The following RALGAPA2 variants were observed in gnomAD, a reference collection of about 807,000 sequenced individuals.
The protein encoded by RALGAPA2 is ral GTPase-activating protein subunit alpha-2.
A neutral mutation model predicts 230.4 loss-of-function variants in RALGAPA2; 139 were observed. The observed-to-expected ratio is 0.60, with a 90% CI of 0.53 to 0.69. The LOEUF (loss-of-function observed/expected upper bound fraction) is 0.69, where lower values mean the gene tolerates loss of function less well. RALGAPA2 is among the 30% of genes least tolerant of loss of function. The pLI, the probability that RALGAPA2 is intolerant of heterozygous loss-of-function variation, is 0.00. For synonymous variants in RALGAPA2, 847 were observed against 837.8 expected (o/e 1.01, Z -0.19); for missense variants, 2,163 against 2,276.0 (o/e 0.95, Z 1.01).
At chr20:20,687,871 T>C (rs563208556) in intron 1 of RALGAPA2, among the ~76,000 whole-genome samples, 8 of 152,224 alleles carry the variant, frequency 5.3e-5, no homozygotes, top group African/African-American at 1.7e-4. Flanking sequence ...GAATCCAAGT[T>C]ACAGAGGCTT....
intron 26 of RALGAPA2, 60 bp downstream of exon 26, chr20:20,535,685 C>T (rs1381343590): frequency 2.6e-6 from 4 of 1,514,314 alleles, no homozygotes; most frequent in Non-Finnish European, 3.5e-6. Context: ...ACATTAACTA[C>T]TTACACATAA....
chr20:20,531,404 C>T (rs938989234), intron 27 of RALGAPA2, among the ~76,000 whole-genome samples: 1 of 152,168 alleles, frequency 6.6e-6, no homozygotes, highest in African/African-American at 2.4e-5. Flanking sequence ...TCACCCCCAC[C>T]AACAGGTGAC....
At chr20:20,557,182 C>T (rs541242882) in intron 23 of RALGAPA2, among the ~76,000 whole-genome samples, 6 of 152,100 alleles carry the variant, frequency 3.9e-5, no homozygotes, top group Admixed American at 3.9e-4. Flanking sequence ...TGGTGGTGGG[C>T]ACCTGTAATC....
chr20:20,571,848 C>A lies in RALGAPA2; in HGVS notation c.3000G>T (p.Lys1000Asn). The change falls in exon 22 of 40, where the codon AAG becomes AAT. Residue 1000 changes from lysine (K) to asparagine (N), a missense_variant and splice_region_variant. Coordinates refer to ENST00000202677, the MANE Select transcript of RALGAPA2 (RefSeq NM_020343.4). Reference sequence around the variant, plus strand: ...AAGGAATAAACACATATCCACTTGCCTTAAACAGCCATGATGCAAACATTC... The same window carrying A: ...AAGGAATAAACACATATCCACTTGCATTAAACAGCCATGATGCAAACATTC... The part of the protein sequence containing the change: ...PLRMFASWLF[K>N]AATLPNEYKE... 1.2e-6 allele frequency: 2 copies of A among 1,604,818 alleles called. No individual in the cohort carries two copies. Among genetic ancestry groups the A allele is most frequent in the South Asian group, 1.1e-5 (1 of 89,928 alleles).
At chr20:20,700,186 C>G (rs897744370) in intron 1 of RALGAPA2, among the ~76,000 whole-genome samples, 1 of 152,100 alleles carries the variant, frequency 6.6e-6, no homozygotes, top group Non-Finnish European at 1.5e-5. Context: ...GGCCATAAAC[C>G]TAAGCGAATT....
At chr20:20,397,679 G>C (rs1328453705) in intron 38 of RALGAPA2, among the ~76,000 whole-genome samples, 13 of 152,208 alleles carry the variant, frequency 8.5e-5, no homozygotes, top group Admixed American at 8.5e-4. Flanking sequence ...GGTTGCCAAG[G>C]TTGGCACAGT....
At chr20:20,690,658 C>A (rs1385034317) in intron 1 of RALGAPA2, among the ~76,000 whole-genome samples, 2 of 152,072 alleles carry the variant, frequency 1.3e-5, no homozygotes, top group Admixed American at 6.5e-5. Context: ...TACCTGAAAC[C>A]TGGAAGTCCC....
At chr20:20,681,247 T>C (rs1317234964) in intron 1 of RALGAPA2, among the ~76,000 whole-genome samples, 1 of 152,184 alleles carries the variant, frequency 6.6e-6, no homozygotes, top group East Asian at 1.9e-4. Flanking sequence ...GACCAATCTC[T>C]GCTCCCTCCC....
intron 36 of RALGAPA2, among the ~76,000 whole-genome samples, chr20:20,490,892 A>T (rs1216711524): frequency 1.3e-5 from 2 of 150,012 alleles, no homozygotes; most frequent in African/African-American, 4.9e-5. Context: ...ACACACACAC[A>T]CACTCACACT....
chr20:20,536,545 C>G, intron 25 of RALGAPA2, 111 bp downstream of exon 25: 1 of 1,227,288 alleles, frequency 8.1e-7, no homozygotes, highest in South Asian at 1.5e-5. Flanking sequence ...TTAAAAGATA[C>G]AGCAAAACTT....
At chr20:20,516,318 C>G (rs1448647440) in intron 31 of RALGAPA2, among the ~76,000 whole-genome samples, 1 of 152,152 alleles carries the variant, frequency 6.6e-6, no homozygotes. Context: ...TGCCTCAGAA[C>G]CAGATTACTT....
chr20:20,416,309 T>C (rs976906997), intron 37 of RALGAPA2, among the ~76,000 whole-genome samples: 15 of 152,244 alleles, frequency 9.9e-5, no homozygotes, highest in African/African-American at 2.9e-4. Flanking sequence ...TCAGGCTCCA[T>C]GGCAAGCAAA....
rs1161118298 is a variant in RALGAPA2 at position 20,521,022 on chromosome 20, A to C, written c.3979T>G (p.Ser1327Ala). 2 of 1,613,864 alleles carry C rather than the reference A, an allele frequency of 1.2e-6. No individual in the cohort carries two copies. Among genetic ancestry groups the C allele is most frequent in the Admixed American group, 3.3e-5 (2 of 60,018 alleles). Residue 1327 changes from serine to alanine, a missense_variant, in exon 31 of 40, where the codon TCC (serine) becomes GCC (alanine). By Grantham distance (99) the Ser-to-Ala change is moderately conservative. Coordinates refer to ENST00000202677, the MANE Select transcript of RALGAPA2 (RefSeq NM_020343.4). ...HYILTLADLS[S>A]TDYDPFLPLA... ...GGCAGGAAGGGGTCATAATCCGTGG[A>C]TGACAAGTCAGCCAGGGTCAGTATG...
In RALGAPA2 at chr20:20,449,974, T is replaced by A. The variant is rs2060951432; in HGVS notation, c.5495+22855A>T. On this transcript the variant is annotated intron_variant, in intron 37 of 39. Transcript: ENST00000202677. ...TGCTCTGCTGCCAGAGCCATGACTG[T>A]GGATTCTCTGTATGCCTTCAGATGA... 1.3e-5 allele frequency among the ~76,000 whole-genome samples: 2 copies of A among 152,236 alleles called. 1 individual carries two copies. The highest frequency in any genetic ancestry group is 4.1e-4 in the South Asian group (2 of 4,830).
intron 37 of RALGAPA2, among the ~76,000 whole-genome samples, chr20:20,461,442 G>T (rs73287263): frequency 0.021 from 3,237 of 152,112 alleles, 121 homozygotes; most frequent in African/African-American, 0.075. Context: ...CAGCTAAGCC[G>T]AACTCTCAGC....
At chr20:20,426,543 C>T (rs981405709) in intron 37 of RALGAPA2, among the ~76,000 whole-genome samples, 20 of 152,290 alleles carry the variant, frequency 1.3e-4, no homozygotes, top group African/African-American at 4.8e-4. Flanking sequence ...ACAAGGTGGT[C>T]ATACAGCCCT....
At position 20,391,100 on chromosome 20, in the gene RALGAPA2, A is replaced by C. The variant is rs3827963; in HGVS notation, c.*2189T>G. On this transcript the variant is annotated 3_prime_UTR_variant, in exon 40 of 40. Transcript: ENST00000202677. ...CCGCAACAGGAGTTTCTAGAGCCTGAAGATGAAACGTTCTCCCAGAGGCGA... is the reference window on the plus strand; with the variant it reads ...CCGCAACAGGAGTTTCTAGAGCCTGCAGATGAAACGTTCTCCCAGAGGCGA... The C allele has an allele frequency of 6.6e-6, 1 of 151,952 alleles. No individual in the cohort carries two copies. The highest frequency in any genetic ancestry group is 2.4e-5 in the African/African-American group (1 of 41,340). The allele number at this position is 151,952 out of a possible 1,614,324, so 9.4% of individuals were successfully genotyped here. A position where few individuals can be genotyped will look rare whatever the true frequency, so the allele number is the denominator to read the frequency against.
intron 23 of RALGAPA2, among the ~76,000 whole-genome samples, chr20:20,555,464 T>C (rs142430856): frequency 1.7e-3 from 256 of 152,324 alleles, no homozygotes; most frequent in African/African-American, 5.5e-3. Flanking sequence ...AAAACCACCA[T>C]TGAAATTTTG....
chr20:20,416,436 T>A (rs2060166676), intron 37 of RALGAPA2, among the ~76,000 whole-genome samples: 1 of 152,162 alleles, frequency 6.6e-6, no homozygotes, highest in Non-Finnish European at 1.5e-5. Context: ...CACACAGTAA[T>A]GGAATTAAGG....
Sources: gnomAD v4.1 joint callset for allele counts (sites outside exome capture counted in the v4.1 genomes callset) on GRCh38, gnomAD v4.1.1 for gene constraint, MANE v1.5 for transcripts, NCBI Gene and HGNC (gene_info 2026-07-23, HGNC 2026-07-21) for gene names.